RSF1: variants seen among roughly 807,000 people sequenced by gnomAD.
RSF1 encodes HBV pX-associated protein 8.
Under a neutral mutation model 145.2 loss-of-function variants are expected in RSF1, and 13 were observed. The observed-to-expected ratio is 0.09, with a 90% CI of 0.06 to 0.14. The LOEUF is 0.14. Ranked by LOEUF, RSF1 falls within the 10% of genes least tolerant of loss-of-function variation. RSF1 has a pLI of 1.00. For synonymous variants in RSF1, 577 were observed against 592.6 expected (o/e 0.97, Z 0.38); for missense variants, 1,517 against 1,718.2 (o/e 0.88, Z 2.07).
chr11:77,706,518 T>C (rs1462203505), intron 5 of RSF1, among the ~76,000 whole-genome samples: 4 of 152,286 alleles, frequency 2.6e-5, no homozygotes, highest in Non-Finnish European at 4.4e-5. Flanking sequence ...ATTAATTATT[T>C]GGCCCCATCT....
intron 1 of RSF1, among the ~76,000 whole-genome samples, chr11:77,765,389 T>C (rs1035022707): frequency 6.6e-6 from 1 of 152,226 alleles, no homozygotes; most frequent in African/African-American, 2.4e-5. Flanking sequence ...GTAGCATTTC[T>C]ATGAATCTTT....
chr11:77,770,925 G>A (rs1948276070), intron 1 of RSF1, among the ~76,000 whole-genome samples: 1 of 152,162 alleles, frequency 6.6e-6, no homozygotes, highest in African/African-American at 2.4e-5. Context: ...AGTCTTTAAA[G>A]GGATACTCTG....
intron 1 of RSF1, among the ~76,000 whole-genome samples, chr11:77,790,844 C>A (rs1387497499): frequency 1.3e-5 from 2 of 152,192 alleles, no homozygotes; most frequent in Non-Finnish European, 2.9e-5. Flanking sequence ...TGGTCTTGGG[C>A]AGCTCCGCCC....
At chr11:77,692,780 C>A (rs952619645) in intron 8 of RSF1, among the ~76,000 whole-genome samples, 4 of 150,770 alleles carry the variant, frequency 2.7e-5, no homozygotes, top group Middle Eastern at 3.2e-3. Flanking sequence ...CGGGTTCAAT[C>A]GATTCTCCTG....
intron 2 of RSF1, among the ~76,000 whole-genome samples, chr11:77,749,407 C>A (rs1386970947): frequency 1.3e-5 from 2 of 152,116 alleles, no homozygotes; most frequent in Admixed American, 6.5e-5. Flanking sequence ...CGGTTGAGTA[C>A]CAAGTCCCTA....
intron 1 of RSF1, among the ~76,000 whole-genome samples, chr11:77,802,704 T>C (rs1277558602): frequency 6.6e-6 from 1 of 152,058 alleles, no homozygotes; most frequent in South Asian, 2.1e-4. Flanking sequence ...CCAGCACGCC[T>C]GGCTAATTTT....
upstream of RSF1, chr11:77,820,786 AACCTT>A: frequency 1.4e-6 from 2 of 1,453,436 alleles, no homozygotes; most frequent in Non-Finnish European, 1.8e-6. Flanking sequence ...ATGGCAAGGC[AACCTT>A]ACAGACGACA....
intron 1 of RSF1, among the ~76,000 whole-genome samples, chr11:77,799,640 G>A (rs1490517249): frequency 6.6e-6 from 1 of 151,998 alleles, no homozygotes; most frequent in East Asian, 1.9e-4. Context: ...ATCTCGGGCA[G>A]CCATTAATTT....
intron 1 of RSF1, among the ~76,000 whole-genome samples, chr11:77,773,689 T>C (rs516529): frequency 0.77 from 116,382 of 152,044 alleles, 44,784 homozygotes; most frequent in South Asian, 0.9. Context: ...AGACAATGCC[T>C]AACCTACAAA....
At chr11:77,834,697 G>C in the RSF1 span, among the ~76,000 whole-genome samples, 69 of 152,124 alleles carry the variant, frequency 4.5e-4, no homozygotes, top group Non-Finnish European at 7.9e-4. Flanking sequence ...TTACAGACGT[G>C]AGCCACTGCG....
intron 6 of RSF1, among the ~76,000 whole-genome samples, chr11:77,699,628 G>A (rs1235596237): frequency 2.0e-5 from 3 of 152,242 alleles, no homozygotes; most frequent in East Asian, 3.9e-4. Flanking sequence ...GTAAAATGGG[G>A]AAAACAGGCA....
At chr11:77,755,723 G>A (rs1001699686) in intron 2 of RSF1, among the ~76,000 whole-genome samples, 3 of 152,032 alleles carry the variant, frequency 2.0e-5, no homozygotes, top group Non-Finnish European at 4.4e-5. Context: ...GGGACTACAG[G>A]TACGCGCCAC....
rs59830662 is a variant in RSF1 at position 77,785,754 on chromosome 11, GAA to G, written c.188-21067_188-21066del. On this transcript the variant is annotated intron_variant, in intron 1 of 15. Coordinates refer to ENST00000308488, the MANE Select transcript of RSF1 (RefSeq NM_016578.4). The stretch of plus-strand genomic sequence containing the variant: ...ATCACGGTGAAACCCCGTCTCTACT[GAA>G]AAAAAAAAAATACAAAAAAATTAGC... Among the ~76,000 whole-genome samples the G allele has an allele frequency of 4.4e-4, 62 of 140,076 alleles. 1 individual carries two copies. The highest frequency in any genetic ancestry group is 1.5e-3 in the African/African-American group (57 of 38,304). 91.9% of individuals were successfully genotyped at this position (140,076 alleles called of 152,430 possible).
chr11:77,693,871 G>T (rs112298652), intron 7 of RSF1, among the ~76,000 whole-genome samples: 3 of 151,860 alleles, frequency 2.0e-5, no homozygotes, highest in Non-Finnish European at 2.9e-5. Flanking sequence ...TGCAACCTCC[G>T]TCTCCCGGGT....
At chr11:77,816,549 T>C (rs1401040206) in intron 1 of RSF1, among the ~76,000 whole-genome samples, 1 of 152,246 alleles carries the variant, frequency 6.6e-6, no homozygotes, top group Non-Finnish European at 1.5e-5. Flanking sequence ...AACCATAGTA[T>C]AAACTATGAG....
intron 2 of RSF1, among the ~76,000 whole-genome samples, chr11:77,749,569 A>G (rs7123204): frequency 0.18 from 26,868 of 152,154 alleles, 2,977 homozygotes; most frequent in African/African-American, 0.29. Context: ...CAGTGTCACA[A>G]ATTCCAAAAA....
intron 1 of RSF1, among the ~76,000 whole-genome samples, chr11:77,819,072 T>C (rs918447366): frequency 6.6e-6 from 1 of 152,214 alleles, no homozygotes; most frequent in African/African-American, 2.4e-5. Flanking sequence ...ATAGGTAATA[T>C]TCTGAAGAAC....
chr11:77,778,624 G>A (rs1948372730), intron 1 of RSF1, among the ~76,000 whole-genome samples: 1 of 152,074 alleles, frequency 6.6e-6, no homozygotes, highest in Non-Finnish European at 1.5e-5. Flanking sequence ...TTGGACTATA[G>A]GCACACCACC....
At chr11:77,758,448 T>C (rs1948138237) in intron 2 of RSF1, among the ~76,000 whole-genome samples, 1 of 152,200 alleles carries the variant, frequency 6.6e-6, no homozygotes, top group African/African-American at 2.4e-5. Context: ...GTCCCTGCTC[T>C]GGAGTAATTA....
Sources: allele counts gnomAD v4.1 joint callset (sites outside exome capture counted in the v4.1 genomes callset), GRCh38; gene constraint gnomAD v4.1.1; transcripts MANE v1.5; gene names NCBI Gene and HGNC (gene_info 2026-07-23, HGNC 2026-07-21).